KLK5: variants seen among roughly 807,000 people sequenced by gnomAD.
KLK5 encodes the protein kallikrein related peptidase 5.
Under a neutral mutation model 24.0 loss-of-function variants are expected in KLK5, and 18 were observed. The observed-to-expected ratio is 0.75, with a 90% CI of 0.52 to 1.11. The LOEUF is 1.11. Ranked by LOEUF, KLK5 falls within the 50% of genes most tolerant of loss-of-function variation. The pLI is 0.00. For synonymous variants in KLK5, 140 were observed against 154.0 expected (o/e 0.91, Z 0.67); for missense variants, 374 against 379.2 (o/e 0.99, Z 0.11).
chr19:50,950,666 C>T (rs140884137), intron 2 of KLK5, among the ~76,000 whole-genome samples: 258 of 152,080 alleles, frequency 1.7e-3, no homozygotes, highest in African/African-American at 5.8e-3. Flanking sequence ...CCGAGGTGGG[C>T]GGATCACCTG....
intron 2 of KLK5, among the ~76,000 whole-genome samples, chr19:50,950,753 G>A (rs549661215): frequency 1.3e-5 from 2 of 152,150 alleles, no homozygotes; most frequent in Non-Finnish European, 1.5e-5. Context: ...TTAGCCAGGC[G>A]TGGTGGCGCG....
Position 50,943,764 on chromosome 19 carries a change from A to G in KLK5, c.749T>C (p.Val250Ala), listed in dbSNP as rs1367739284. 1.2e-6 allele frequency: 2 copies of G among 1,613,308 alleles called. No individual in the cohort carries two copies. The highest frequency in any genetic ancestry group is 8.5e-7 in the Non-Finnish European group (1 of 1,179,508). Residue 250 changes from valine (V) to alanine (A), a missense_variant, in exon 6 of 6, where the codon GTC (valine) becomes GCC (alanine). Val to Ala is a moderately conservative substitution (Grantham distance 64). Transcript: ENST00000336334. ...GAGTCCCTGCAGGGAGCCATTGCAG[A>G]CCACAGGCCCCCCAGAATCACCCTG... Reference protein sequence around the residue: ...SCQGDSGGPVVCNGSLQGLVS... With the variant: ...SCQGDSGGPVACNGSLQGLVS...
chr19:50,951,926 G>A (rs1248600387), intron 2 of KLK5, among the ~76,000 whole-genome samples: 4 of 152,010 alleles, frequency 2.6e-5, no homozygotes, highest in Non-Finnish European at 4.4e-5. Context: ...ATCCCTCCAG[G>A]CAGAGACAGA....
At chr19:50,948,565 CAGA>C in intron 5 of KLK5, 72 bp downstream of exon 5, 1 of 1,506,156 alleles carries the variant, frequency 6.6e-7, no homozygotes, top group Non-Finnish European at 9.2e-7. Flanking sequence ...GCTGGATTCT[CAGA>C]ATTTGGCAAC....
chr19:50,949,078 G>T lies in KLK5; in HGVS notation c.373C>A (p.Pro125Thr). Residue 125 changes from proline to threonine, a missense_variant, in exon 4 of 6, where the codon CCA becomes ACA. Coordinates refer to ENST00000336334, the MANE Select transcript of KLK5 (RefSeq NM_012427.5). Reference sequence around the variant, plus strand: ...ATCTGCTGCCCAGATTCATAAACTGGTGACAGGGAGTAGTGGCCGAGACGG... The same window carrying T: ...ATCTGCTGCCCAGATTCATAAACTGTTGACAGGGAGTAGTGGCCGAGACGG... Reference protein sequence around the residue: ...RVRLGHYSLSPVYESGQQMFQ... With the variant: ...RVRLGHYSLSTVYESGQQMFQ... The T allele has an allele frequency of 1.9e-6, 3 of 1,613,474 alleles. No homozygotes were observed. The highest frequency in any genetic ancestry group is 2.5e-6 in the Non-Finnish European group (3 of 1,179,946).
chr19:50,952,600 G>A lies in KLK5; in HGVS notation c.58C>T (p.Leu20Phe), dbSNP rs780814101. Residue 20 changes from leucine to phenylalanine, a missense_variant, in exon 2 of 6, where the codon CTT (leucine) becomes TTT (phenylalanine). Coordinates refer to ENST00000336334, the MANE Select transcript of KLK5 (RefSeq NM_012427.5). ...TTCTGGTTACCTGTGACCCCCAGAAGCAAGGCTGTGATCAGAGCACAGAGC... is the reference window on the plus strand; with the variant it reads ...TTCTGGTTACCTGTGACCCCCAGAAACAAGGCTGTGATCAGAGCACAGAGC... ...WVLCALITAL[L>F]LGVTEHVLAN... 2.5e-6 allele frequency: 4 copies of A among 1,606,514 alleles called. No homozygotes were observed. Among genetic ancestry groups the A allele is most frequent in the Non-Finnish European group, 3.4e-6 (4 of 1,176,496 alleles).
rs988282244 is a variant in KLK5, at chr19:50,949,089, T to C, written c.362A>G (p.Tyr121Cys). 19 of 1,612,046 alleles carry C rather than the reference T, an allele frequency of 1.2e-5. No individual in the cohort carries two copies. Among genetic ancestry groups the C allele is most frequent in the Non-Finnish European group, 1.6e-5 (19 of 1,179,756 alleles). Residue 121 changes from tyrosine to cysteine, a missense_variant, in exon 4 of 6, where the codon TAC (tyrosine) becomes TGC (cysteine). Transcript: ENST00000336334. ...KKVFRVRLGHYSLSPVYESGQ... is the reference protein window; with the variant it reads ...KKVFRVRLGHCSLSPVYESGQ... The stretch of plus-strand genomic sequence containing the variant: ...AGATTCATAAACTGGTGACAGGGAG[T>C]AGTGGCCGAGACGGACTCTGAAAAC...
chr19:50,943,385 T>G lies in KLK5; in HGVS notation c.*246A>C. 2.5e-6 allele frequency: 1 copy of G among 398,416 alleles called. No individual in the cohort carries two copies. 24.7% of individuals were successfully genotyped at this position (398,416 alleles called of 1,614,324 possible). ...TGGGCCCTGAGCTTGAGGATGAAAG[T>G]GCCCCAGGGAGATTGAGACGCAACC... On this transcript the variant is annotated 3_prime_UTR_variant, in exon 6 of 6. Coordinates refer to ENST00000336334, the MANE Select transcript of KLK5 (RefSeq NM_012427.5).
At chr19:50,949,799 AC>A (rs58847333) in intron 3 of KLK5, 55 bp downstream of exon 3, 2 of 73,610 alleles carry the variant, frequency 2.7e-5, no homozygotes, top group Non-Finnish European at 4.8e-5. Flanking sequence ...CCACTTCCCC[AC>A]CCCCACCCCC....
Position 50,952,605 on chromosome 19 carries a change from G to A in KLK5, c.53C>T (p.Ala18Val). The A allele has an allele frequency of 6.2e-7, 1 of 1,607,444 alleles. No individual in the cohort carries two copies. The highest frequency in any genetic ancestry group is 1.1e-5 in the South Asian group (1 of 90,216). ...WMWVLCALIT[A>V]LLLGVTEHVL... Reference sequence around the variant, plus strand: ...GTTACCTGTGACCCCCAGAAGCAAGGCTGTGATCAGAGCACAGAGCACCCA... The same window carrying A: ...GTTACCTGTGACCCCCAGAAGCAAGACTGTGATCAGAGCACAGAGCACCCA... Residue 18 changes from alanine to valine, a missense_variant, in exon 2 of 6, where the codon GCC (alanine) becomes GTC (valine). By Grantham distance (64) the Ala-to-Val change is moderately conservative. Transcript: ENST00000336334.
chr19:50,952,518 G>C (rs2090696273), intron 2 of KLK5, 67 bp downstream of exon 2: 7 of 1,220,108 alleles, frequency 5.7e-6, no homozygotes, highest in Non-Finnish European at 8.1e-6. Context: ...CCAGGGGACA[G>C]GCGCTCTAGT....
Position 50,952,845 on chromosome 19 carries a change from G to A in KLK5, c.-110C>T. ...GAATTCAGAAGATAGGAGTCTAGCA[G>A]CCTCCAGACAGGGCAAGGAGGGGAC... is the stretch of plus-strand genomic sequence containing the variant. On this transcript the variant is annotated 5_prime_UTR_variant, in exon 1 of 6. Coordinates refer to ENST00000336334, the MANE Select transcript of KLK5 (RefSeq NM_012427.5). 2.2e-6 allele frequency: 1 copy of A among 451,020 alleles called. No individual in the cohort carries two copies. Among genetic ancestry groups the A allele is most frequent in the Non-Finnish European group, 3.9e-6 (1 of 255,708 alleles). 27.9% of individuals were successfully genotyped at this position (451,020 alleles called of 1,614,324 possible). A position where few individuals can be genotyped will look rare whatever the true frequency, so the allele number is the denominator to read the frequency against.
In KLK5 at chr19:50,943,682, G is replaced by A; in HGVS notation, c.831C>T (p.Asn277=). ...GGATCCACTTGGTGAACTTGCAGAG[G>A]TTCGTGTAGACACCCGGTCTGTTGG... ...ARPNRPGVYT[N]LCKFTKWIQE... Residue 277 remains asparagine, a synonymous_variant, in exon 6 of 6, where the codon AAC becomes AAT. Coordinates refer to ENST00000336334, the MANE Select transcript of KLK5 (RefSeq NM_012427.5). 2.5e-6 allele frequency: 4 copies of A among 1,614,010 alleles called. No homozygotes were observed. The highest frequency in any genetic ancestry group is 2.5e-6 in the Non-Finnish European group (3 of 1,179,956).
intron 2 of KLK5, among the ~76,000 whole-genome samples, chr19:50,952,133 T>C (rs2569522): frequency 0.44 from 66,900 of 151,260 alleles, 15,302 homozygotes; most frequent in East Asian, 0.75. Flanking sequence ...CAGCTTTCCA[T>C]GGTGATGACC....
At chr19:50,945,426 T>G (rs1359533760) in intron 5 of KLK5, among the ~76,000 whole-genome samples, 1 of 151,660 alleles carries the variant, frequency 6.6e-6, no homozygotes, top group African/African-American at 2.4e-5. Flanking sequence ...TGGTGCAAAA[T>G]AGCCACTCGG....
intron 3 of KLK5, 42 bp from the exon 4 acceptor site, chr19:50,949,157 T>C (rs1488561236): frequency 1.3e-5 from 20 of 1,588,892 alleles, no homozygotes; most frequent in Non-Finnish European, 1.6e-5. Flanking sequence ...CTGATCTCTA[T>C]CTCCACGTCC....
At chr19:50,950,890 CAA>C (rs10650166) in intron 2 of KLK5, among the ~76,000 whole-genome samples, 4 of 99,972 alleles carry the variant, frequency 4.0e-5, no homozygotes, top group Non-Finnish European at 5.6e-5. Context: ...AGACTGTCTC[CAA>C]AAAAAAAAAA....
intron 5 of KLK5, among the ~76,000 whole-genome samples, 176 bp downstream of exon 5, chr19:50,948,464 G>A (rs1359291904): frequency 3.3e-5 from 5 of 152,146 alleles, no homozygotes; most frequent in African/African-American, 9.7e-5. Flanking sequence ...AACTGGAAAT[G>A]ACATAAGCAG....
Position 50,948,899 on chromosome 19 carries a change from C to T in KLK5, c.552G>A (p.Lys184=). ...TTGTCCCCCAGCCAGACACCAAGCA[C>T]TTTGTCCCAGCAGAGGGACAATGAG... The part of the protein sequence containing the change: ...VSSHCPSAGT[K]CLVSGWGTTK... The change falls in exon 4 of 6, where the codon AAG becomes AAA. Residue 184 remains lysine, a synonymous_variant. Transcript: ENST00000336334. 5 of 1,614,100 alleles carry T rather than the reference C, an allele frequency of 3.1e-6. No homozygotes were observed. In the South Asian group the frequency reaches 5.5e-5, roughly 18 times the overall value.
Sources: allele counts gnomAD v4.1 joint callset (sites outside exome capture counted in the v4.1 genomes callset), GRCh38; gene constraint gnomAD v4.1.1; transcripts MANE v1.5; gene names NCBI Gene and HGNC (gene_info 2026-07-23, HGNC 2026-07-21).